Variants in ADGRB3 observed in about 807,000 individuals in gnomAD.
The protein encoded by ADGRB3 is adhesion G protein-coupled receptor B3, also known as brain-specific angiogenesis inhibitor 3.
In ADGRB3, 37 loss-of-function variants were observed where a neutral mutation model predicts 193.4. The ratio of observed to expected loss-of-function variants is 0.19; its 90% CI spans 0.15 to 0.25. ADGRB3 has a LOEUF of 0.25. Ranked by LOEUF, ADGRB3 falls within the 10% of genes least tolerant of loss-of-function variation. The pLI is 1.00. For missense variants in ADGRB3, 1,637 were observed against 1,852.9 expected (o/e 0.88, Z 2.14); for synonymous variants, 690 against 644.2 (o/e 1.07, Z -1.08).
intron 17 of ADGRB3, among the ~76,000 whole-genome samples, chr6:69,100,528 A>T (rs1296248449): frequency 1.3e-5 from 2 of 152,068 alleles, no homozygotes; most frequent in East Asian, 3.9e-4. Context: ...TTTTACTCAA[A>T]TGTAACAGCT....
chr6:68,730,134 T>C (rs1409077288), intron 3 of ADGRB3, among the ~76,000 whole-genome samples: 1 of 151,694 alleles, frequency 6.6e-6, no homozygotes, highest in Non-Finnish European at 1.5e-5. Flanking sequence ...TGTTCAAAAC[T>C]TAATCAGATG....
At chr6:68,894,870 T>A (rs2150230511) in intron 3 of ADGRB3, among the ~76,000 whole-genome samples, 1 of 152,022 alleles carries the variant, frequency 6.6e-6, no homozygotes, top group East Asian at 1.9e-4. Context: ...ATGAGCTATT[T>A]TTTTAAAATT....
intron 3 of ADGRB3, among the ~76,000 whole-genome samples, chr6:68,743,285 C>T (rs188592440): frequency 6.6e-6 from 1 of 151,908 alleles, no homozygotes; most frequent in African/African-American, 2.4e-5. Context: ...AATGACTGTG[C>T]TCACCTTCAA....
At chr6:69,243,751 C>T (rs1284233398) in intron 20 of ADGRB3, among the ~76,000 whole-genome samples, 1 of 151,868 alleles carries the variant, frequency 6.6e-6, no homozygotes, top group African/African-American at 2.4e-5. Context: ...GTAAGAAGGA[C>T]CTGTAGTTGC....
chr6:69,147,676 C>T (rs1234977870), intron 17 of ADGRB3, among the ~76,000 whole-genome samples: 1 of 152,126 alleles, frequency 6.6e-6, no homozygotes, highest in African/African-American at 2.4e-5. Context: ...TATATTGAAG[C>T]TGAGTCTGGT....
At chr6:68,652,607 G>A (rs1768393990) in intron 3 of ADGRB3, among the ~76,000 whole-genome samples, 3 of 152,040 alleles carry the variant, frequency 2.0e-5, no homozygotes, top group Admixed American at 2.0e-4. Context: ...AGATAAATAT[G>A]AATATTTATT....
intron 3 of ADGRB3, among the ~76,000 whole-genome samples, chr6:68,836,707 G>T (rs2127385844): frequency 6.6e-6 from 1 of 152,208 alleles, no homozygotes; most frequent in African/African-American, 2.4e-5. Context: ...GTGAAACGTT[G>T]GCTGGGTGCA....
chr6:68,737,242 G>A (rs890868105), intron 3 of ADGRB3, among the ~76,000 whole-genome samples: 5 of 152,062 alleles, frequency 3.3e-5, no homozygotes, highest in African/African-American at 1.2e-4. Context: ...CCTCTGCCAG[G>A]AGCCAGCTCT....
chr6:69,006,800 G>A (rs1769769876), intron 11 of ADGRB3, among the ~76,000 whole-genome samples: 1 of 151,804 alleles, frequency 6.6e-6, no homozygotes, highest in Admixed American at 6.6e-5. Context: ...ATATTATTCT[G>A]TTACCTGTCT....
At chr6:68,792,149 T>A (rs1767119440) in intron 3 of ADGRB3, among the ~76,000 whole-genome samples, 1 of 152,182 alleles carries the variant, frequency 6.6e-6, no homozygotes, top group African/African-American at 2.4e-5. Context: ...CTATAGATTG[T>A]TTTACTCACA....
intron 3 of ADGRB3, among the ~76,000 whole-genome samples, chr6:68,678,063 A>C (rs2127296947): frequency 6.6e-6 from 1 of 152,290 alleles, no homozygotes; most frequent in South Asian, 2.1e-4. Flanking sequence ...TTAAGTCAAA[A>C]GACAGGCCAA....
intron 17 of ADGRB3, among the ~76,000 whole-genome samples, chr6:69,115,649 T>C (rs1010585584): frequency 2.0e-5 from 3 of 152,196 alleles, no homozygotes; most frequent in Admixed American, 1.3e-4. Flanking sequence ...CAATAAATGT[T>C]TGTTAAATTA....
chr6:68,697,269 T>C (rs1311277116), intron 3 of ADGRB3, among the ~76,000 whole-genome samples: 1 of 152,022 alleles, frequency 6.6e-6, no homozygotes, highest in Admixed American at 6.6e-5. Context: ...TATTTTAAGA[T>C]GGACTTCTTA....
intron 3 of ADGRB3, among the ~76,000 whole-genome samples, chr6:68,821,193 TCTTA>T (rs771212532): frequency 2.6e-5 from 4 of 152,064 alleles, no homozygotes; most frequent in Non-Finnish European, 5.9e-5. Flanking sequence ...ACTTTGAAGC[TCTTA>T]CTTCTTTGTT....
chr6:68,983,536 C>G (rs1344424020), intron 10 of ADGRB3, among the ~76,000 whole-genome samples: 1 of 150,336 alleles, frequency 6.7e-6, no homozygotes, highest in Admixed American at 6.6e-5. Context: ...TATATTTAGA[C>G]TAATACCAAA....
At chr6:69,169,848 A>T (rs1361112054) in intron 17 of ADGRB3, among the ~76,000 whole-genome samples, 1 of 152,110 alleles carries the variant, frequency 6.6e-6, no homozygotes, top group Non-Finnish European at 1.5e-5. Context: ...TTATAGCTTG[A>T]CCTTGAATTA....
At chr6:68,969,634 CAGTA>C in intron 8 of ADGRB3, among the ~76,000 whole-genome samples, 1 of 152,260 alleles carries the variant, frequency 6.6e-6, no homozygotes. Flanking sequence ...TGGAGGAGAA[CAGTA>C]CCACTTACTA....
intron 3 of ADGRB3, among the ~76,000 whole-genome samples, chr6:68,913,730 C>G (rs999671531): frequency 1.3e-5 from 2 of 151,912 alleles, no homozygotes; most frequent in South Asian, 4.2e-4. Context: ...AGGCTTCAGA[C>G]GATCAAACTA....
intron 20 of ADGRB3, among the ~76,000 whole-genome samples, chr6:69,245,760 C>A (rs1365419093): frequency 7.2e-5 from 11 of 152,056 alleles, no homozygotes; most frequent in Admixed American, 7.2e-4. Flanking sequence ...GCTCTGGGTT[C>A]CAGGATTTCC....
Sources: allele counts gnomAD v4.1 joint callset (sites outside exome capture counted in the v4.1 genomes callset), GRCh38; gene constraint gnomAD v4.1.1; transcripts MANE v1.5; gene names NCBI Gene and HGNC (gene_info 2026-07-23, HGNC 2026-07-21).